Variants in ALK observed in about 807,000 individuals in gnomAD.
The protein encoded by ALK is ALK tyrosine kinase receptor.
A neutral mutation model predicts 163.1 loss-of-function variants in ALK; 74 were observed. The ratio of observed to expected loss-of-function variants is 0.45; its 90% CI spans 0.38 to 0.55. The LOEUF is 0.55. ALK is among the 20% of genes least tolerant of loss of function. ALK has a pLI of 0.00. For synonymous variants in ALK, 960 were observed against 843.2 expected (o/e 1.14, Z -2.40); for missense variants, 2,063 against 2,105.3 (o/e 0.98, Z 0.39).
chr2:29,256,873 TCCCCAGAGAGGACATGGGAGCAAGG>T (rs1664962418), intron 11 of ALK, among the ~76,000 whole-genome samples: 1 of 152,052 alleles, frequency 6.6e-6, no homozygotes, highest in African/African-American at 2.4e-5. Flanking sequence ...GAGGCTCTGG[TCCCCAGAGAGGACATGGGAGCAAGG>T]CAGTGTCATA....
chr2:29,543,540 C>T (rs557632216), intron 3 of ALK, among the ~76,000 whole-genome samples: 1 of 152,294 alleles, frequency 6.6e-6, no homozygotes, highest in South Asian at 2.1e-4. Flanking sequence ...AGGCTTTTTC[C>T]TAGCCCTATG....
chr2:29,388,202 T>C (rs1194015026), intron 4 of ALK, among the ~76,000 whole-genome samples: 1 of 152,118 alleles, frequency 6.6e-6, no homozygotes, highest in East Asian at 1.9e-4. Flanking sequence ...GCTGATGAGT[T>C]TGAAAGGTTG....
In ALK at chr2:29,851,990, A is replaced by G. The variant is rs146191503; in HGVS notation, c.667+68003T>C. 1.7e-3 allele frequency among the ~76,000 whole-genome samples: 263 copies of G among 152,316 alleles called. 1 individual carries two copies. Among genetic ancestry groups the G allele is most frequent in the Middle Eastern group, 6.8e-3 (2 of 294 alleles). ...GTAGAACCTGTATTTTCTTATGTGC[A>G]GCCAAAGAAAAGTTTCTTCATATTA... On this transcript the variant is annotated intron_variant, in intron 1 of 28. Transcript: ENST00000389048.
intron 4 of ALK, among the ~76,000 whole-genome samples, chr2:29,425,079 A>G (rs1670102209): frequency 6.6e-6 from 1 of 152,218 alleles, no homozygotes; most frequent in Non-Finnish European, 1.5e-5. Context: ...CTCTCCAGTG[A>G]AACAAGCATA....
At chr2:29,433,746 C>T (rs918192224) in intron 4 of ALK, among the ~76,000 whole-genome samples, 16 of 151,650 alleles carry the variant, frequency 1.1e-4, no homozygotes, top group African/African-American at 3.2e-4. Context: ...TGATGAGGTA[C>T]AGCTAATAAG....
intron 2 of ALK, among the ~76,000 whole-genome samples, chr2:29,709,539 GCT>G (rs1679011731): frequency 6.6e-6 from 1 of 152,174 alleles, no homozygotes; most frequent in African/African-American, 2.4e-5. Flanking sequence ...ACGTTTAAAT[GCT>G]TAACGTCTAG....
intron 3 of ALK, among the ~76,000 whole-genome samples, chr2:29,682,458 A>G (rs112322241): frequency 1.4e-4 from 21 of 152,276 alleles, no homozygotes; most frequent in African/African-American, 5.1e-4. Flanking sequence ...GAGCTTGGAC[A>G]TGGGAGAGAT....
At chr2:29,762,401 T>C (rs1489442467) in intron 1 of ALK, among the ~76,000 whole-genome samples, 1 of 152,224 alleles carries the variant, frequency 6.6e-6, no homozygotes, top group Non-Finnish European at 1.5e-5. Flanking sequence ...GTTGCTGAAA[T>C]AACTAATCCA....
At chr2:29,413,897 T>G (rs941440849) in intron 4 of ALK, among the ~76,000 whole-genome samples, 9 of 152,168 alleles carry the variant, frequency 5.9e-5, no homozygotes, top group African/African-American at 2.2e-4. Flanking sequence ...ACTCCTGACC[T>G]CAGGTGACCC....
chr2:29,614,177 G>A (rs191778273), intron 3 of ALK, among the ~76,000 whole-genome samples: 82 of 152,226 alleles, frequency 5.4e-4, no homozygotes, highest in South Asian at 2.1e-4. Flanking sequence ...GCCTGCTGAC[G>A]AGGGCTGCCT....
intron 3 of ALK, among the ~76,000 whole-genome samples, chr2:29,654,339 G>A (rs1021492569): frequency 2.6e-5 from 4 of 152,234 alleles, no homozygotes; most frequent in African/African-American, 7.2e-5. Flanking sequence ...TGGAGACTCC[G>A]TGATGGCTGT....
chr2:29,494,843 CGTGTGTGTGTGTGT>C (rs35306598), intron 4 of ALK, among the ~76,000 whole-genome samples: 6 of 147,212 alleles, frequency 4.1e-5, no homozygotes, highest in East Asian at 4.1e-4. Context: ...TTTAGAGACT[CGTGTGTGTGTGTGT>C]GTGTGTGTGT....
chr2:29,705,370 C>G (rs542312143), intron 2 of ALK, among the ~76,000 whole-genome samples: 30 of 146,968 alleles, frequency 2.0e-4, no homozygotes, highest in African/African-American at 7.2e-4. Flanking sequence ...TAGATGGATA[C>G]TCTTACCACC....
chr2:29,804,635 G>T (rs1361713585), intron 1 of ALK, among the ~76,000 whole-genome samples: 1 of 152,284 alleles, frequency 6.6e-6, no homozygotes, highest in East Asian at 1.9e-4. Flanking sequence ...TCTGCGTTGG[G>T]TTTAAGGTGA....
At chr2:29,770,968 TAC>T (rs1209750620) in intron 1 of ALK, among the ~76,000 whole-genome samples, 3 of 150,238 alleles carry the variant, frequency 2.0e-5, no homozygotes, top group African/African-American at 7.4e-5. Context: ...CATACACAAA[TAC>T]ACAGACATAC....
intron 4 of ALK, among the ~76,000 whole-genome samples, chr2:29,517,909 T>C (rs1265082610): frequency 7.9e-5 from 12 of 152,200 alleles, no homozygotes; most frequent in Admixed American, 7.9e-4. Flanking sequence ...CTCCCCTTCA[T>C]CTCCTCCTTC....
intron 3 of ALK, among the ~76,000 whole-genome samples, chr2:29,577,596 CA>C (rs2148195247): frequency 6.6e-6 from 1 of 152,204 alleles, no homozygotes; most frequent in African/African-American, 2.4e-5. Context: ...GGCCCTGCCC[CA>C]GGGGATGCTA....
chr2:29,622,295 AAG>A (rs1420661184), intron 3 of ALK, among the ~76,000 whole-genome samples: 1 of 152,186 alleles, frequency 6.6e-6, no homozygotes, highest in East Asian at 1.9e-4. Context: ...TGGGAAGAAA[AAG>A]AGGTTTAATT....
chr2:29,910,759 A>G (rs1667679788), intron 1 of ALK, among the ~76,000 whole-genome samples: 1 of 152,228 alleles, frequency 6.6e-6, no homozygotes, highest in Non-Finnish European at 1.5e-5. Context: ...TTCTGAAATG[A>G]AAGCAAAATA....
Sources: allele counts gnomAD v4.1 joint callset (sites outside exome capture counted in the v4.1 genomes callset), GRCh38; gene constraint gnomAD v4.1.1; transcripts MANE v1.5; gene names NCBI Gene and HGNC (gene_info 2026-07-23, HGNC 2026-07-21).